Variants in PTPRS observed in about 807,000 individuals in gnomAD.
The protein encoded by PTPRS is receptor-type tyrosine-protein phosphatase S.
A neutral mutation model predicts 215.3 loss-of-function variants in PTPRS; 63 were observed. That is an observed-to-expected ratio of 0.29 (90% CI 0.24 to 0.36). The LOEUF is 0.36. Among genes scored for constraint, PTPRS ranks in the 10% least tolerant of loss-of-function variants. The pLI is 1.00. For missense variants in PTPRS, 2,258 were observed against 2,825.8 expected (o/e 0.80, Z 4.56); for synonymous variants, 1,404 against 1,191.4 (o/e 1.18, Z -3.68).
intron 9 of PTPRS, among the ~76,000 whole-genome samples, chr19:5,252,664 G>A (rs1453481545): frequency 6.7e-6 from 1 of 148,606 alleles, no homozygotes; most frequent in African/African-American, 2.5e-5. Flanking sequence ...TAGATTACCT[G>A]AGGTCAGGAG....
At chr19:5,290,593 C>T (rs1193513491) in intron 1 of PTPRS, among the ~76,000 whole-genome samples, 2 of 152,082 alleles carry the variant, frequency 1.3e-5, no homozygotes, top group South Asian at 2.1e-4. Flanking sequence ...GGGGGCTCCT[C>T]GGGCCAGAGG....
chr19:5,240,244 G>T lies in PTPRS; in HGVS notation c.1659C>A (p.Ile553=), dbSNP rs761793242. The change falls in exon 12 of 38, where the codon ATC becomes ATA. Residue 553 remains isoleucine (I), a synonymous_variant. Coordinates refer to ENST00000262963, the MANE Select transcript of PTPRS (RefSeq NM_002850.4). ...CCCGGAAGAGGAGCTCGTACTTGAT[G>T]ATACTCTCCTGCCGCGGGGGGCTCC... The part of the protein sequence containing the change: ...LSWSPPRQES[I]IKYELLFREG... The T allele has an allele frequency of 6.0e-5, 94 of 1,575,630 alleles. No individual in the cohort carries two copies. Among genetic ancestry groups the T allele is most frequent in the Non-Finnish European group, 7.3e-5 (85 of 1,161,650 alleles).
Position 5,286,168 on chromosome 19 carries a change from C to A in PTPRS, c.-28G>T. 1.2e-6 allele frequency: 2 copies of A among 1,610,672 alleles called. No individual in the cohort carries two copies. Among genetic ancestry groups the A allele is most frequent in the South Asian group, 1.1e-5 (1 of 90,622 alleles). ...TTGGCAGCGACCTCCGATCTCCGCC[C>A]TGGAGGGGGATGGCCCCCCGGTCCC... On this transcript the variant is annotated 5_prime_UTR_variant, in exon 2 of 38. In the 5' UTR this introduces an upstream ATG that the reference lacks. Transcript: ENST00000262963.
In PTPRS at chr19:5,237,887, C is replaced by G. The variant is rs968879905; in HGVS notation, c.1849+1032G>C. ...GGGTTGTGTCTCCGAGGCGCCCCAC[C>G]CCCCCGATCCCAGCGGCTCAGATGC... On this transcript the variant is annotated intron_variant, in intron 13 of 37. Transcript: ENST00000262963. The surrounding 1 kb of genome is among the most constrained non-coding windows in gnomAD (Gnocchi z 4.2). 6.6e-6 allele frequency among the ~76,000 whole-genome samples: 1 copy of G among 152,062 alleles called. No homozygotes were observed. Among genetic ancestry groups the G allele is most frequent in the South Asian group, 2.1e-4 (1 of 4,828 alleles).
intron 6 of PTPRS, 122 bp downstream of exon 6, chr19:5,262,842 C>A: frequency 9.0e-7 from 1 of 1,106,510 alleles, no homozygotes; most frequent in Admixed American, 2.1e-5. Context: ...GTAAACATAC[C>A]AGGCAGAGTG....
chr19:5,209,064 C>G (rs182644053), intron 35 of PTPRS, among the ~76,000 whole-genome samples: 8 of 152,224 alleles, frequency 5.3e-5, no homozygotes, highest in African/African-American at 1.4e-4. Context: ...ACTGCTACCA[C>G]CCACTGCTGG....
At chr19:5,309,029 T>C (rs1303532100) in intron 1 of PTPRS, among the ~76,000 whole-genome samples, 1 of 152,160 alleles carries the variant, frequency 6.6e-6, no homozygotes, top group East Asian at 1.9e-4. Context: ...ACAGCCTGCC[T>C]GGCACTAGGC....
At chr19:5,207,900 C>A in intron 37 of PTPRS, 22 bp downstream of exon 37, 1 of 1,611,188 alleles carries the variant, frequency 6.2e-7, no homozygotes, top group Non-Finnish European at 8.5e-7. Context: ...CAGGCTGCCT[C>A]CCCTCCCTGT....
At chr19:5,239,671 GGA>G (rs958437876) in intron 12 of PTPRS, among the ~76,000 whole-genome samples, 3 of 150,758 alleles carry the variant, frequency 2.0e-5, no homozygotes, top group Admixed American at 6.6e-5. Context: ...GAGAAAGAGA[GGA>G]GAGAGAGACA....
In PTPRS at chr19:5,211,336, G is replaced by A. The variant is rs557273164; in HGVS notation, c.5234+254C>T. On this transcript the variant is annotated intron_variant, in intron 33 of 37. Transcript: ENST00000262963. Reference sequence around the variant, plus strand: ...TGAAAATAAGAAATATCCTCAGGGTGTCAGAATTACCCCAATTGAGAACCA... The same window carrying A: ...TGAAAATAAGAAATATCCTCAGGGTATCAGAATTACCCCAATTGAGAACCA... 1.5e-4 allele frequency among the ~76,000 whole-genome samples: 23 copies of A among 152,308 alleles called. 1 individual carries two copies. The highest frequency in any genetic ancestry group is 6.8e-3 in the Middle Eastern group (2 of 294).
Position 5,244,983 on chromosome 19 carries a change from CTTT to C in PTPRS, c.989-504_989-502del, listed in dbSNP as rs34897765. ...GCACCCGGCCTTTTTTTTCTTTTTT[CTTT>C]TTTTTTTTTTTTAGACGGAGCCTTG... On this transcript the variant is annotated intron_variant, in intron 10 of 37. Transcript: ENST00000262963. This position sits in a 1 kb window ranked among gnomAD's most constrained non-coding sequence, Gnocchi z 7.2. Among the ~76,000 whole-genome samples, 2 of 108,176 alleles carry C rather than the reference CTTT, an allele frequency of 1.8e-5. No individual in the cohort carries two copies. The highest frequency in any genetic ancestry group is 3.2e-4 in the East Asian group (1 of 3,116). 71.0% of individuals were successfully genotyped at this position (108,176 alleles called of 152,430 possible).
chr19:5,216,209 C>T (rs887010678), intron 26 of PTPRS, among the ~76,000 whole-genome samples: 1 of 152,054 alleles, frequency 6.6e-6, no homozygotes, highest in Non-Finnish European at 1.5e-5. Flanking sequence ...AGGCCCTGGC[C>T]TGAGAGCTCT....
At chr19:5,239,175 G>GAA (rs1266930927) in intron 12 of PTPRS, 112 bp from the exon 13 acceptor site, 2 of 719,852 alleles carry the variant, frequency 2.8e-6, no homozygotes, top group African/African-American at 3.8e-5. Flanking sequence ...GAGAGAGAGA[G>GAA]AGAGAGAGAG....
rs202205571 is a variant in PTPRS, at chr19:5,239,725, AACAGAT to A, written c.1704+468_1704+473del. ...CAGAAATAGAGAGAGAGGAGAAAGA[AACAGAT>A]ACAGAGACAGAGACAGAGAGACAGA... On this transcript the variant is annotated intron_variant, in intron 12 of 37. Coordinates refer to ENST00000262963, the MANE Select transcript of PTPRS (RefSeq NM_002850.4). Among the ~76,000 whole-genome samples, 512 of 151,760 alleles carry A rather than the reference AACAGAT, an allele frequency of 3.4e-3. 7 individuals carry two copies. In the East Asian group the frequency reaches 0.039, roughly 12 times the overall value.
chr19:5,247,846 G>C (rs942739689), intron 9 of PTPRS, among the ~76,000 whole-genome samples: 13 of 151,894 alleles, frequency 8.6e-5, no homozygotes, highest in African/African-American at 3.1e-4. Context: ...GGGGGACGTC[G>C]GCAGGCGTGG....
chr19:5,283,810 C>T (rs1227696662), intron 2 of PTPRS, among the ~76,000 whole-genome samples: 1 of 152,088 alleles, frequency 6.6e-6, no homozygotes, highest in Admixed American at 6.6e-5. Context: ...CAGTGGCTCA[C>T]TCTTGTAATC....
At chr19:5,208,643 C>T (rs182481134) in intron 35 of PTPRS, among the ~76,000 whole-genome samples, 102 of 152,220 alleles carry the variant, frequency 6.7e-4, no homozygotes, top group Non-Finnish European at 1.3e-3. Flanking sequence ...CCACCAGGCC[C>T]GGCCCTCACC....
intron 1 of PTPRS, among the ~76,000 whole-genome samples, chr19:5,303,032 T>C (rs1418310226): frequency 6.6e-6 from 1 of 151,910 alleles, no homozygotes; most frequent in African/African-American, 2.4e-5. Flanking sequence ...ATGGCACCAC[T>C]GCACTCCAGC....
In PTPRS at chr19:5,302,621, G is replaced by C. The variant is rs180698358; in HGVS notation, c.-94-16387C>G. On this transcript the variant is annotated intron_variant, in intron 1 of 37. Coordinates refer to ENST00000262963, the MANE Select transcript of PTPRS (RefSeq NM_002850.4). ...AGGTGTTAGTGTCTGAGATCACCCT[G>C]AATCTCCCTGGGCTTTCTTCCCTGA... Among the ~76,000 whole-genome samples, 8 of 152,278 alleles carry C rather than the reference G, an allele frequency of 5.3e-5. No individual in the cohort carries two copies. In the East Asian group the frequency reaches 1.5e-3, roughly 29 times the overall value.
Sources: gnomAD v4.1 joint callset for allele counts (sites outside exome capture counted in the v4.1 genomes callset) on GRCh38, gnomAD v4.1.1 for gene constraint, Gnocchi (gnomAD v3.1) non-coding constraint, MANE v1.5 for transcripts, NCBI Gene and HGNC (gene_info 2026-07-23, HGNC 2026-07-21) for gene names.